NDUFAF2: variants seen among roughly 807,000 people sequenced by gnomAD.
NDUFAF2 encodes the protein NADH dehydrogenase [ubiquinone] 1 alpha subcomplex assembly factor 2.
A neutral mutation model predicts 22.8 loss-of-function variants in NDUFAF2; 13 were observed. That is an observed-to-expected ratio of 0.57 (90% CI 0.37 to 0.91). The LOEUF is 0.91. NDUFAF2 is among the 40% of genes least tolerant of loss of function. The pLI is 0.01. For synonymous variants in NDUFAF2, 53 were observed against 64.2 expected (o/e 0.83, Z 0.84); for missense variants, 162 against 195.2 (o/e 0.83, Z 1.01).
chr5:61,138,809 G>A (rs961247829), intron 3 of NDUFAF2, among the ~76,000 whole-genome samples: 1 of 152,126 alleles, frequency 6.6e-6, no homozygotes, highest in Admixed American at 6.6e-5. Context: ...AGGAAAATAT[G>A]GTGGAGGCAG....
intron 1 of NDUFAF2, among the ~76,000 whole-genome samples, chr5:61,054,967 A>T (rs1036275732): frequency 6.6e-6 from 1 of 152,192 alleles, no homozygotes; most frequent in Non-Finnish European, 1.5e-5. Flanking sequence ...TCATTAGTAT[A>T]ACTTTAAGGG....
intron 1 of NDUFAF2, among the ~76,000 whole-genome samples, chr5:60,974,226 C>G (rs987089311): frequency 6.6e-6 from 1 of 152,208 alleles, no homozygotes; most frequent in Non-Finnish European, 1.5e-5. Context: ...TTCCAGGCTT[C>G]ATCTTTCTCC....
intron 3 of NDUFAF2, chr5:61,145,938 C>T (rs1741131506): frequency 1.3e-5 from 2 of 152,180 alleles, no homozygotes; most frequent in African/African-American, 4.8e-5. Flanking sequence ...CAATTGTCAA[C>T]TCCATGAGGT....
intron 2 of NDUFAF2, among the ~76,000 whole-genome samples, chr5:61,087,225 A>G (rs1005733089): frequency 6.6e-6 from 1 of 152,190 alleles, no homozygotes. Context: ...ACACATTGAG[A>G]AGATGGCTGC....
intron 1 of NDUFAF2, among the ~76,000 whole-genome samples, chr5:61,072,124 A>G (rs890221916): frequency 1.3e-5 from 2 of 152,234 alleles, no homozygotes; most frequent in Non-Finnish European, 2.9e-5. Flanking sequence ...GAAGAACCAT[A>G]GACTTTGAAA....
intron 1 of NDUFAF2, among the ~76,000 whole-genome samples, chr5:60,988,568 G>A (rs1346241215): frequency 6.6e-6 from 1 of 152,056 alleles, no homozygotes; most frequent in Non-Finnish European, 1.5e-5. Flanking sequence ...TATGGTACTG[G>A]TACAAAAACA....
intron 3 of NDUFAF2, among the ~76,000 whole-genome samples, chr5:61,138,933 A>T (rs6893210): frequency 0.13 from 19,964 of 152,184 alleles, 1,492 homozygotes; most frequent in African/African-American, 0.2. Flanking sequence ...CTCCACCCAG[A>T]TAGTTGGCTA....
chr5:61,116,929 A>T (rs1752919702), intron 3 of NDUFAF2, among the ~76,000 whole-genome samples: 1 of 152,336 alleles, frequency 6.6e-6, no homozygotes, highest in South Asian at 2.1e-4. Flanking sequence ...CGATAAGTAC[A>T]TGAGAAATAA....
At chr5:61,115,247 A>G (rs1173359858) in intron 3 of NDUFAF2, 1 of 152,308 alleles carries the variant, frequency 6.6e-6, no homozygotes, top group Admixed American at 6.6e-5. Flanking sequence ...TTTAAGGCCC[A>G]AGAGGGTTCT....
At chr5:61,136,018 T>C (rs1426726419) in intron 3 of NDUFAF2, among the ~76,000 whole-genome samples, 9 of 30,382 alleles carry the variant, frequency 3.0e-4, no homozygotes, top group Non-Finnish European at 5.2e-4. Context: ...TATATATATA[T>C]ATATATATAT....
At chr5:61,015,969 C>A (rs534052893) in intron 1 of NDUFAF2, among the ~76,000 whole-genome samples, 100 of 152,186 alleles carry the variant, frequency 6.6e-4, no homozygotes, top group African/African-American at 2.2e-3. Context: ...AGGCAGATCA[C>A]AAGGTCAAGA....
chr5:60,969,669 TG>T (rs1750802606), intron 1 of NDUFAF2, among the ~76,000 whole-genome samples: 1 of 152,158 alleles, frequency 6.6e-6, no homozygotes, highest in South Asian at 2.1e-4. Context: ...ACCCATTCTG[TG>T]GATTGTCTCT....
At chr5:61,123,845 T>C (rs898282750) in intron 3 of NDUFAF2, among the ~76,000 whole-genome samples, 2 of 152,140 alleles carry the variant, frequency 1.3e-5, no homozygotes, top group Non-Finnish European at 2.9e-5. Context: ...TATAAACATA[T>C]TGTATGAGAA....
chr5:61,007,717 G>T (rs534056752), intron 1 of NDUFAF2, among the ~76,000 whole-genome samples: 61 of 152,306 alleles, frequency 4.0e-4, no homozygotes, highest in African/African-American at 1.4e-3. Context: ...CTGTAAACTA[G>T]TTCAACCATT....
intron 3 of NDUFAF2, among the ~76,000 whole-genome samples, chr5:61,144,038 A>G (rs748272983): frequency 1.3e-5 from 2 of 150,482 alleles, no homozygotes; most frequent in Admixed American, 6.7e-5. Context: ...ACCTGGATTC[A>G]TAACATTTTT....
intron 1 of NDUFAF2, among the ~76,000 whole-genome samples, chr5:60,972,666 C>G (rs930736729): frequency 2.0e-5 from 3 of 150,564 alleles, no homozygotes; most frequent in Non-Finnish European, 4.4e-5. Flanking sequence ...AGGTGTGTTT[C>G]TTGTGTACAG....
chr5:61,014,043 T>C (rs1271910979), intron 1 of NDUFAF2, among the ~76,000 whole-genome samples: 2 of 152,184 alleles, frequency 1.3e-5, no homozygotes, highest in East Asian at 1.9e-4. Context: ...GAGTGTTTCT[T>C]GTATGCTCAT....
chr5:60,969,011 G>C (rs1019417043), intron 1 of NDUFAF2, among the ~76,000 whole-genome samples: 1 of 151,846 alleles, frequency 6.6e-6, no homozygotes, highest in Non-Finnish European at 1.5e-5. Context: ...ATGACCTCTG[G>C]GCCCATTCAT....
At chr5:61,038,825 T>C (rs927600657) in intron 1 of NDUFAF2, among the ~76,000 whole-genome samples, 1 of 152,196 alleles carries the variant, frequency 6.6e-6, no homozygotes, top group African/African-American at 2.4e-5. Context: ...TGTTTCTTAA[T>C]TGATGCTCTC....
Sources: gnomAD v4.1 joint callset for allele counts (sites outside exome capture counted in the v4.1 genomes callset) on GRCh38, gnomAD v4.1.1 for gene constraint, MANE v1.5 for transcripts, NCBI Gene and HGNC (gene_info 2026-07-23, HGNC 2026-07-21) for gene names.